FHIT: variants seen among roughly 807,000 people sequenced by gnomAD.
FHIT encodes fragile histidine triad diadenosine triphosphatase, also known as bis(5'-adenosyl)-triphosphatase.
FHIT carries 19 observed loss-of-function variants against 17.9 expected under a neutral mutation model. The observed-to-expected ratio is 1.06, with a 90% CI of 0.74 to 1.56. The LOEUF (loss-of-function observed/expected upper bound fraction) is 1.56, where lower values mean the gene tolerates loss of function less well. Among genes scored for constraint, FHIT ranks in the 40% most tolerant of loss-of-function variants. FHIT has a pLI of 0.00. For synonymous variants in FHIT, 81 were observed against 69.7 expected, an observed-to-expected ratio of 1.16 and a Z score of -0.81; for missense variants, 248 against 189.2, an observed-to-expected ratio of 1.31 and a Z score of -1.82.
chr3:59,809,827 C>A (rs1427014777), intron 8 of FHIT, among the ~76,000 whole-genome samples: 5 of 152,184 alleles, frequency 3.3e-5, no homozygotes, highest in Non-Finnish European at 7.3e-5. Flanking sequence ...AACCTTCCCT[C>A]ACATTGTTCC....
At chr3:59,777,454 T>C (rs1702382507) in intron 8 of FHIT, among the ~76,000 whole-genome samples, 1 of 152,062 alleles carries the variant, frequency 6.6e-6, no homozygotes, top group East Asian at 1.9e-4. Context: ...ATCCAGCTGG[T>C]TACTCGAGCC....
At chr3:60,764,088 C>T (rs902197686) in intron 4 of FHIT, among the ~76,000 whole-genome samples, 4 of 152,074 alleles carry the variant, frequency 2.6e-5, no homozygotes, top group East Asian at 3.9e-4. Context: ...AGTGGTACGA[C>T]GGGGATTGGA....
At chr3:60,835,650 T>C (rs782121120) in intron 3 of FHIT, among the ~76,000 whole-genome samples, 2 of 152,174 alleles carry the variant, frequency 1.3e-5, no homozygotes, top group African/African-American at 4.8e-5. Context: ...GCCACCCAGG[T>C]TGGAGTGCAG....
intron 2 of FHIT, among the ~76,000 whole-genome samples, chr3:61,055,631 T>C (rs1291886407): frequency 6.6e-6 from 1 of 152,174 alleles, no homozygotes; most frequent in Non-Finnish European, 1.5e-5. Flanking sequence ...TCTGCATTCA[T>C]GCCAGATACT....
chr3:60,263,983 T>C (rs1204269130), intron 5 of FHIT, among the ~76,000 whole-genome samples: 1 of 151,922 alleles, frequency 6.6e-6, no homozygotes, highest in Non-Finnish European at 1.5e-5. Context: ...CTTAAATATT[T>C]TTCCTTTGAA....
intron 2 of FHIT, among the ~76,000 whole-genome samples, chr3:61,181,888 T>C (rs1303246149): frequency 6.6e-6 from 1 of 152,212 alleles, no homozygotes; most frequent in Non-Finnish European, 1.5e-5. Flanking sequence ...TCTATTACAT[T>C]TCTGTTCTAT....
chr3:60,355,694 T>C (rs1023932063), intron 5 of FHIT, among the ~76,000 whole-genome samples: 4 of 152,186 alleles, frequency 2.6e-5, no homozygotes, highest in Non-Finnish European at 5.9e-5. Context: ...AAAACAGCAA[T>C]AGGTTATTCT....
At chr3:60,050,176 C>A (rs1008827965) in intron 5 of FHIT, among the ~76,000 whole-genome samples, 1 of 152,166 alleles carries the variant, frequency 6.6e-6, no homozygotes, top group Non-Finnish European at 1.5e-5. Context: ...GTATAAATCT[C>A]TTGTCCACTG....
chr3:60,375,551 G>A (rs909227122), intron 5 of FHIT, among the ~76,000 whole-genome samples: 1 of 152,070 alleles, frequency 6.6e-6, no homozygotes, highest in Non-Finnish European at 1.5e-5. Context: ...CTCCAGCCTG[G>A]GTGACACGGT....
chr3:59,842,739 G>A (rs535107727), intron 8 of FHIT, among the ~76,000 whole-genome samples: 6 of 151,930 alleles, frequency 3.9e-5, no homozygotes, highest in Admixed American at 6.6e-5. Flanking sequence ...AGTCCTTTGC[G>A]CATTTTTGAA....
chr3:60,282,914 G>T, intron 5 of FHIT, among the ~76,000 whole-genome samples: 1 of 152,070 alleles, frequency 6.6e-6, no homozygotes, highest in East Asian at 1.9e-4. Flanking sequence ...ATGGTTTCAG[G>T]AATACAGAGC....
intron 2 of FHIT, among the ~76,000 whole-genome samples, chr3:61,170,751 C>A (rs1292933903): frequency 3.3e-5 from 5 of 152,076 alleles, no homozygotes; most frequent in Non-Finnish European, 5.9e-5. Flanking sequence ...TATGTACCAC[C>A]TTTTCTTTAC....
At chr3:59,956,331 T>A (rs549673792) in intron 7 of FHIT, among the ~76,000 whole-genome samples, 161 of 151,900 alleles carry the variant, frequency 1.1e-3, no homozygotes, top group Non-Finnish European at 1.7e-3. Context: ...CCCAGGAGTT[T>A]GAGACCAGTC....
rs549560679 is a variant in FHIT, at chr3:60,809,277, T to C, written c.-18+12642A>G. Among the ~76,000 whole-genome samples, 6 of 152,328 alleles carry C rather than the reference T, an allele frequency of 3.9e-5. No individual in the cohort carries two copies. In the South Asian group the frequency reaches 1.2e-3, roughly 32 times the overall value. ...GTAGTTTTTCTCTCTCTGTTAGTTC[T>C]GAATATTTTCATAGGCCCTTGAAAA... On this transcript the variant is annotated intron_variant, in intron 4 of 9. Coordinates refer to ENST00000492590, the MANE Select transcript of FHIT (RefSeq NM_002012.4).
chr3:60,523,652 A>G (rs1336336720), intron 5 of FHIT, among the ~76,000 whole-genome samples: 1 of 152,182 alleles, frequency 6.6e-6, no homozygotes, highest in Non-Finnish European at 1.5e-5. Context: ...TGGCATATAC[A>G]ATCTTGGGAA....
intron 5 of FHIT, among the ~76,000 whole-genome samples, chr3:60,445,885 G>A (rs2031298670): frequency 6.6e-6 from 1 of 151,836 alleles, no homozygotes; most frequent in Non-Finnish European, 1.5e-5. Flanking sequence ...AACTGTAATA[G>A]CCACTCTTCA....
intron 2 of FHIT, among the ~76,000 whole-genome samples, chr3:61,151,565 C>CTTCTCT (rs2037389876): frequency 2.0e-5 from 1 of 50,560 alleles, no homozygotes; most frequent in African/African-American, 8.8e-5. Flanking sequence ...TTGTGATATT[C>CTTCTCT]TTTTCTTTTC....
intron 3 of FHIT, among the ~76,000 whole-genome samples, chr3:60,969,666 C>T (rs1709911392): frequency 1.3e-5 from 2 of 151,990 alleles, no homozygotes. Flanking sequence ...TGATTTCCAC[C>T]TTAATACTAC....
At chr3:60,231,015 T>C (rs1704469505) in intron 5 of FHIT, among the ~76,000 whole-genome samples, 1 of 152,164 alleles carries the variant, frequency 6.6e-6, no homozygotes, top group Non-Finnish European at 1.5e-5. Flanking sequence ...CTTAAAATAT[T>C]TCAATAACCA....
Sources: allele counts gnomAD v4.1 joint callset (sites outside exome capture counted in the v4.1 genomes callset), GRCh38; gene constraint gnomAD v4.1.1; transcripts MANE v1.5; gene names NCBI Gene and HGNC (gene_info 2026-07-23, HGNC 2026-07-21).